The following DAB1 variants were observed in gnomAD, a reference collection of about 807,000 sequenced individuals.
DAB1 encodes the protein disabled homolog 1.
In DAB1, 15 loss-of-function variants were observed where a neutral mutation model predicts 64.6. The ratio of observed to expected loss-of-function variants is 0.23; its 90% CI spans 0.16 to 0.36. The LOEUF is 0.36. DAB1 is among the 10% of genes least tolerant of loss of function. DAB1 has a pLI of 1.00. For synonymous variants in DAB1, 235 were observed against 251.9 expected (o/e 0.93, Z 0.64); for missense variants, 596 against 706.7 (o/e 0.84, Z 1.78).
rs551113114 is a variant in DAB1 at position 57,890,452 on chromosome 1, TTTTC to T, written n.388-6294_388-6291del. 3.7e-4 allele frequency among the ~76,000 whole-genome samples: 48 copies of T among 129,790 alleles called. No individual in the cohort carries two copies. In the East Asian group the frequency reaches 9.4e-3, roughly 25 times the overall value. The allele number at this position is 129,790 out of a possible 152,430, so 85.1% of individuals were successfully genotyped here. On this transcript the variant is annotated intron_variant and non_coding_transcript_variant, in intron 5 of 20. Coordinates refer to the DAB1 transcript ENST00000485760. Reference sequence around the variant, plus strand: ...TTTTGCTTTGCTTTTCTTTCTTTTCTTTTCTTTTTTTTTTTTTTCTTTTGGCTGG... The same window carrying T: ...TTTTGCTTTGCTTTTCTTTCTTTTCTTTTTTTTTTTTTTTCTTTTGGCTGG...
chr1:57,593,446 A>G (rs2101573556), intron 7 of DAB1, among the ~76,000 whole-genome samples: 1 of 152,346 alleles, frequency 6.6e-6, no homozygotes, highest in East Asian at 1.9e-4. Flanking sequence ...GGTACTGTGA[A>G]TAATGTTGCT....
At chr1:58,470,116 CTTTATTTATTTA>C (rs72061301) in intron 3 of DAB1, among the ~76,000 whole-genome samples, 124,665 of 145,002 alleles carry the variant, frequency 0.86, 54,253 homozygotes, top group African/African-American at 0.92. Flanking sequence ...GGGACTTTCT[CTTTATTTATTTA>C]TTTATTTATT....
chr1:58,215,419 A>AC (rs1177983820), intron 4 of DAB1, among the ~76,000 whole-genome samples: 1 of 137,114 alleles, frequency 7.3e-6, no homozygotes, highest in Non-Finnish European at 1.6e-5. Flanking sequence ...TTTTTTTTTT[A>AC]CCGTATTAAT....
chr1:57,432,949 T>C (rs577156835), intron 7 of DAB1, among the ~76,000 whole-genome samples: 2 of 152,314 alleles, frequency 1.3e-5, no homozygotes, highest in African/African-American at 2.4e-5. Context: ...GCTGATCAGA[T>C]AGTTGAAAAA....
intron 7 of DAB1, among the ~76,000 whole-genome samples, chr1:57,613,635 C>G (rs182733839): frequency 1.3e-5 from 2 of 152,100 alleles, no homozygotes; most frequent in African/African-American, 4.8e-5. Flanking sequence ...AAAATAAATA[C>G]GAAAAAGAGT....
At chr1:57,142,886 T>C (rs948527931) in intron 3 of DAB1, among the ~76,000 whole-genome samples, 6 of 152,156 alleles carry the variant, frequency 3.9e-5, no homozygotes, top group Non-Finnish European at 7.3e-5. Context: ...ACCAGATCTT[T>C]GCATTTTCTT....
intron 5 of DAB1, among the ~76,000 whole-genome samples, chr1:57,904,201 T>A (rs1644516320): frequency 1.3e-5 from 2 of 152,320 alleles, no homozygotes; most frequent in African/African-American, 4.8e-5. Flanking sequence ...CTGATGCTGC[T>A]GGTATCAGGG....
At chr1:57,463,151 G>T (rs1360008158) in intron 7 of DAB1, among the ~76,000 whole-genome samples, 3 of 152,094 alleles carry the variant, frequency 2.0e-5, no homozygotes, top group African/African-American at 7.2e-5. Flanking sequence ...AGGGTCTGAG[G>T]TACCAACTGT....
In DAB1 at chr1:58,358,459, A is replaced by G. The variant is rs138486030; in HGVS notation, n.258-15056T>C. On this transcript the variant is annotated intron_variant and non_coding_transcript_variant, in intron 3 of 20. Coordinates refer to the DAB1 transcript ENST00000485760. ...ACCAACATCTAGTTAAGGGAAAACA[A>G]CTCAGACTGAACATGACTCATCTGA... Among the ~76,000 whole-genome samples the G allele has an allele frequency of 4.6e-3, 705 of 152,332 alleles. 2 individuals carry two copies. The highest frequency in any genetic ancestry group is 7.2e-3 in the Non-Finnish European group (488 of 68,024).
chr1:57,285,802 G>T (rs970633836), intron 2 of DAB1, among the ~76,000 whole-genome samples: 1 of 152,136 alleles, frequency 6.6e-6, no homozygotes, highest in Middle Eastern at 3.2e-3. Context: ...AAGACTCCAG[G>T]CACTGCCCCC....
intron 2 of DAB1, among the ~76,000 whole-genome samples, chr1:57,236,417 G>C (rs1245353251): frequency 1.3e-5 from 2 of 152,142 alleles, no homozygotes; most frequent in African/African-American, 4.8e-5. Flanking sequence ...CAGAAAAGAA[G>C]GGGCCAACTT....
At chr1:58,097,218 A>G (rs532446871) in intron 5 of DAB1, among the ~76,000 whole-genome samples, 24 of 152,290 alleles carry the variant, frequency 1.6e-4, no homozygotes, top group African/African-American at 5.5e-4. Context: ...CCCACTTCAC[A>G]AATGTGGAAA....
rs190861225 is a variant in DAB1, at chr1:58,069,637, T to C, written n.387+80874A>G. 1.7e-3 allele frequency among the ~76,000 whole-genome samples: 264 copies of C among 152,254 alleles called. 3 individuals carry two copies. Among genetic ancestry groups the C allele is most frequent in the African/African-American group, 5.8e-3 (239 of 41,552 alleles). On this transcript the variant is annotated intron_variant and non_coding_transcript_variant, in intron 5 of 20. Transcript: ENST00000485760. ...GTGACTGTCACTGTCTGTCCCTCAATGCATGTTCAGCACAACACACCTAAT... is the reference window on the plus strand; with the variant it reads ...GTGACTGTCACTGTCTGTCCCTCAACGCATGTTCAGCACAACACACCTAAT...
At chr1:57,996,394 T>G (rs1478431734) in intron 5 of DAB1, among the ~76,000 whole-genome samples, 1 of 152,196 alleles carries the variant, frequency 6.6e-6, no homozygotes, top group Non-Finnish European at 1.5e-5. Flanking sequence ...CTAAATCCCA[T>G]AAGTAACAAG....
At chr1:58,081,293 C>A (rs1649980811) in intron 5 of DAB1, among the ~76,000 whole-genome samples, 1 of 152,178 alleles carries the variant, frequency 6.6e-6, no homozygotes, top group South Asian at 2.1e-4. Flanking sequence ...AATTGTGACG[C>A]AGCAACAAAT....
chr1:57,003,223 C>T (rs1383821200), intron 14 of DAB1, among the ~76,000 whole-genome samples: 11 of 152,232 alleles, frequency 7.2e-5, no homozygotes, highest in Admixed American at 7.2e-4. Context: ...CAGACTACTC[C>T]ACATGTCCTT....
intron 4 of DAB1, among the ~76,000 whole-genome samples, chr1:58,300,612 G>GAAAGAAAGAAAGAAAGAAAGAAAGAA (rs1456432665): frequency 2.2e-4 from 10 of 44,590 alleles, no homozygotes; most frequent in African/African-American, 6.6e-4. Flanking sequence ...AAGAAAGAAA[G>GAAAGAAAGAAAGAAAGAAAGAAAGAA]AGAGAGAGAG....
chr1:57,223,998 C>G (rs892481373), intron 2 of DAB1, among the ~76,000 whole-genome samples: 3 of 152,152 alleles, frequency 2.0e-5, no homozygotes, highest in Admixed American at 2.0e-4. Context: ...GTGAGGTACT[C>G]CCCCTCCGAT....
At chr1:58,110,672 G>C (rs886272273) in intron 5 of DAB1, among the ~76,000 whole-genome samples, 3 of 152,304 alleles carry the variant, frequency 2.0e-5, no homozygotes, top group Non-Finnish European at 4.4e-5. Flanking sequence ...CCAGAAAGCA[G>C]AGAGGCACTC....
Sources: gnomAD v4.1 joint callset for allele counts (sites outside exome capture counted in the v4.1 genomes callset) on GRCh38, gnomAD v4.1.1 for gene constraint, MANE v1.5 for transcripts, NCBI Gene and HGNC (gene_info 2026-07-23, HGNC 2026-07-21) for gene names.